The following NRG1 variants were observed in gnomAD, a reference collection of about 807,000 sequenced individuals.
The protein encoded by NRG1 is neuregulin 1.
A neutral mutation model predicts 63.8 loss-of-function variants in NRG1; 18 were observed. That is an observed-to-expected ratio of 0.28 (90% CI 0.19 to 0.42). The LOEUF is 0.42. NRG1 is among the 10% of genes least tolerant of loss of function. The pLI is 1.00. For missense variants in NRG1, 762 were observed against 814.7 expected (o/e 0.94, Z 0.79); for synonymous variants, 302 against 301.3 (o/e 1.00, Z -0.02).
chr8:31,784,724 C>T (rs1206953443), intron 1 of NRG1, among the ~76,000 whole-genome samples: 1 of 152,138 alleles, frequency 6.6e-6, no homozygotes, highest in Non-Finnish European at 1.5e-5. Flanking sequence ...CAGGACTTGG[C>T]CTCCCAAAGC....
intron 1 of NRG1, among the ~76,000 whole-genome samples, chr8:31,818,469 T>A (rs1823665391): frequency 6.6e-6 from 1 of 152,118 alleles, no homozygotes; most frequent in African/African-American, 2.4e-5. Context: ...AATTTTGCCA[T>A]GGAGTGGGGT....
intron 1 of NRG1, among the ~76,000 whole-genome samples, chr8:32,504,799 A>T (rs1563555892): frequency 6.6e-6 from 1 of 152,130 alleles, no homozygotes; most frequent in Non-Finnish European, 1.5e-5. Context: ...TTTTATCAAT[A>T]TTGTTGGTGG....
chr8:32,765,756 C>G (rs1177278991), exon 12 of NRG1: 1 of 152,142 alleles, frequency 6.6e-6, no homozygotes, highest in African/African-American at 2.4e-5. Flanking sequence ...CCTGACCTCT[C>G]CATTTACAGG....
chr8:32,340,175 A>G (rs1228172139), intron 1 of NRG1, among the ~76,000 whole-genome samples: 1 of 152,242 alleles, frequency 6.6e-6, no homozygotes. Flanking sequence ...ATTATTTTAT[A>G]GTGTGCAACA....
At chr8:31,789,565 G>A (rs970684427) in intron 1 of NRG1, among the ~76,000 whole-genome samples, 7 of 152,190 alleles carry the variant, frequency 4.6e-5, no homozygotes, top group South Asian at 4.1e-4. Flanking sequence ...AAACCACAAC[G>A]TGATAGAAGG....
At chr8:32,424,218 A>G (rs1447173883) in intron 1 of NRG1, among the ~76,000 whole-genome samples, 1 of 151,992 alleles carries the variant, frequency 6.6e-6, no homozygotes, top group African/African-American at 2.4e-5. Flanking sequence ...AGCTTGTATG[A>G]CCTTTGCTTT....
chr8:32,066,146 T>C (rs369001519), intron 1 of NRG1, among the ~76,000 whole-genome samples: 7,182 of 152,134 alleles, frequency 0.047, 227 homozygotes, highest in African/African-American at 0.13. Context: ...TGCCTGTTCA[T>C]TCTGATGGTA....
intron 1 of NRG1, among the ~76,000 whole-genome samples, chr8:32,283,323 G>C (rs1164423134): frequency 6.6e-6 from 1 of 151,996 alleles, no homozygotes; most frequent in Non-Finnish European, 1.5e-5. Flanking sequence ...TTTCTACTGA[G>C]ATTTATGCAT....
intron 1 of NRG1, among the ~76,000 whole-genome samples, chr8:31,676,195 T>C (rs1199632470): frequency 1.3e-5 from 2 of 152,078 alleles, no homozygotes; most frequent in Non-Finnish European, 2.9e-5. Flanking sequence ...ATCCTGAGCA[T>C]GGGAACAGCC....
At chr8:32,125,800 C>A (rs1383417842) in intron 1 of NRG1, among the ~76,000 whole-genome samples, 1 of 151,862 alleles carries the variant, frequency 6.6e-6, no homozygotes, top group Non-Finnish European at 1.5e-5. Flanking sequence ...TCCTCTCCAA[C>A]ATATCTTCCT....
intron 1 of NRG1, among the ~76,000 whole-genome samples, chr8:31,793,712 T>C (rs1345073404): frequency 6.6e-6 from 1 of 152,174 alleles, no homozygotes; most frequent in African/African-American, 2.4e-5. Context: ...TTATCCTTCC[T>C]CTTTTCTGTG....
intron 1 of NRG1, among the ~76,000 whole-genome samples, chr8:31,818,785 C>T (rs999221022): frequency 2.6e-5 from 4 of 152,044 alleles, no homozygotes; most frequent in Admixed American, 6.6e-5. Context: ...AGGCTGGGCG[C>T]GGTGGCTCAC....
intron 1 of NRG1, among the ~76,000 whole-genome samples, chr8:32,213,836 G>T (rs1844935979): frequency 6.6e-6 from 1 of 152,098 alleles, no homozygotes; most frequent in Admixed American, 6.5e-5. Flanking sequence ...TGTGCATTGG[G>T]CTCACACGTG....
At chr8:32,723,893 ATAG>A (rs957388349) in intron 5 of NRG1, among the ~76,000 whole-genome samples, 1 of 152,028 alleles carries the variant, frequency 6.6e-6, no homozygotes, top group African/African-American at 2.4e-5. Flanking sequence ...CTAAATGATA[ATAG>A]TAGTCCCCCA....
At chr8:31,778,067 C>A (rs1435788796) in intron 1 of NRG1, among the ~76,000 whole-genome samples, 1 of 152,138 alleles carries the variant, frequency 6.6e-6, no homozygotes. Context: ...TTGGGATTCA[C>A]GATTGGTTAA....
chr8:32,476,716 A>G (rs1037921240), intron 1 of NRG1, among the ~76,000 whole-genome samples: 6 of 152,302 alleles, frequency 3.9e-5, no homozygotes, highest in African/African-American at 1.4e-4. Flanking sequence ...CCATTTTTAT[A>G]CATGACCTGC....
intron 1 of NRG1, among the ~76,000 whole-genome samples, chr8:32,517,229 TC>T (rs1223211825): frequency 6.6e-6 from 1 of 152,154 alleles, no homozygotes; most frequent in Non-Finnish European, 1.5e-5. Flanking sequence ...TACATCAAAT[TC>T]CTTGCAGGTT....
At chr8:31,882,350 A>AAC (rs1830414394) in intron 1 of NRG1, among the ~76,000 whole-genome samples, 4 of 151,654 alleles carry the variant, frequency 2.6e-5, no homozygotes, top group Non-Finnish European at 5.9e-5. Flanking sequence ...AAAAAAAAAA[A>AAC]AAAAATACTC....
intron 1 of NRG1, among the ~76,000 whole-genome samples, chr8:32,406,835 G>A (rs1024293349): frequency 6.6e-6 from 1 of 152,044 alleles, no homozygotes; most frequent in African/African-American, 2.4e-5. Flanking sequence ...TTTGTCACCA[G>A]TTTTGAAAGG....
Sources: gnomAD v4.1 joint callset for allele counts (sites outside exome capture counted in the v4.1 genomes callset) on GRCh38, gnomAD v4.1.1 for gene constraint, MANE v1.5 for transcripts, NCBI Gene and HGNC (gene_info 2026-07-23, HGNC 2026-07-21) for gene names.